Variants in OXR1 observed in about 807,000 individuals in gnomAD.
OXR1 encodes the protein oxidation resistance protein 1.
A neutral mutation model predicts 104.6 loss-of-function variants in OXR1; 41 were observed. That is an observed-to-expected ratio of 0.39 (90% CI 0.31 to 0.51). The LOEUF is 0.51. OXR1 is among the 20% of genes least tolerant of loss of function. The pLI is 0.77. For synonymous variants in OXR1, 348 were observed against 348.4 expected, an observed-to-expected ratio of 1.00 and a Z score of 0.01; for missense variants, 955 against 1,031.9, an observed-to-expected ratio of 0.93 and a Z score of 1.02.
At chr8:106,462,236 G>GA (rs1257098056) in intron 2 of OXR1, among the ~76,000 whole-genome samples, 12 of 152,242 alleles carry the variant, frequency 7.9e-5, no homozygotes, top group African/African-American at 2.9e-4. Flanking sequence ...AGATTTCCCA[G>GA]ATTTATGTAT....
At chr8:106,750,510 A>G (rs1245721866) in intron 16 of OXR1, among the ~76,000 whole-genome samples, 1 of 151,414 alleles carries the variant, frequency 6.6e-6, no homozygotes. Flanking sequence ...TGTATTTTTT[A>G]GTAGAGACAG....
At chr8:106,719,093 C>T (rs572730481) in intron 11 of OXR1, among the ~76,000 whole-genome samples, 1 of 152,236 alleles carries the variant, frequency 6.6e-6, no homozygotes, top group South Asian at 2.1e-4. Context: ...TGATTTCTGC[C>T]GGTATTCAAC....
At chr8:106,424,668 T>C (rs1819037445) in intron 2 of OXR1, among the ~76,000 whole-genome samples, 1 of 152,156 alleles carries the variant, frequency 6.6e-6, no homozygotes, top group South Asian at 2.1e-4. Context: ...GACCATGGGG[T>C]ATGTAAAATT....
chr8:106,575,539 T>G (rs1563616460), intron 3 of OXR1, among the ~76,000 whole-genome samples: 1 of 152,156 alleles, frequency 6.6e-6, no homozygotes, highest in Non-Finnish European at 1.5e-5. Flanking sequence ...ATTCATTTCT[T>G]GTTTTAATGC....
intron 2 of OXR1, among the ~76,000 whole-genome samples, chr8:106,373,887 G>A (rs1816806034): frequency 6.6e-6 from 1 of 152,184 alleles, no homozygotes; most frequent in Admixed American, 6.5e-5. Flanking sequence ...ACTGCACCCA[G>A]CCCTGATGTC....
intron 1 of OXR1, among the ~76,000 whole-genome samples, chr8:106,355,818 A>G (rs762256395): frequency 3.9e-5 from 6 of 152,130 alleles, no homozygotes; most frequent in African/African-American, 1.4e-4. Flanking sequence ...TATTGCAGGT[A>G]AAGGACATTG....
At chr8:106,625,488 G>A (rs865773858) in intron 3 of OXR1, among the ~76,000 whole-genome samples, 5 of 152,304 alleles carry the variant, frequency 3.3e-5, no homozygotes, top group Middle Eastern at 3.4e-3. Context: ...ACCTTGGTTT[G>A]TTCTAATAGC....
chr8:106,350,408 C>T (rs1161837485), intron 1 of OXR1, among the ~76,000 whole-genome samples: 1 of 152,106 alleles, frequency 6.6e-6, no homozygotes, highest in Admixed American at 6.6e-5. Flanking sequence ...GTAAATACTT[C>T]CTGTAATTTG....
chr8:106,625,501 A>G (rs956219898), intron 3 of OXR1, among the ~76,000 whole-genome samples: 1 of 152,234 alleles, frequency 6.6e-6, no homozygotes, highest in Non-Finnish European at 1.5e-5. Context: ...CTAATAGCAC[A>G]TGTGTGTAGA....
chr8:106,568,611 T>A (rs1817245408), intron 3 of OXR1, among the ~76,000 whole-genome samples: 1 of 152,146 alleles, frequency 6.6e-6, no homozygotes, highest in African/African-American at 2.4e-5. Flanking sequence ...CTTTTGTCAC[T>A]GAGGTCTCAC....
At chr8:106,309,472 T>A (rs1813606418) in intron 1 of OXR1, among the ~76,000 whole-genome samples, 1 of 152,212 alleles carries the variant, frequency 6.6e-6, no homozygotes, top group Non-Finnish European at 1.5e-5. Context: ...GTGAGCTATT[T>A]ATAGCCATTT....
intron 3 of OXR1, among the ~76,000 whole-genome samples, chr8:106,524,425 A>G (rs1279144395): frequency 1.3e-5 from 2 of 152,192 alleles, no homozygotes; most frequent in Non-Finnish European, 2.9e-5. Flanking sequence ...TGGAATTCAT[A>G]TATCACGGTC....
At chr8:106,317,352 A>G (rs1365717473) in intron 1 of OXR1, among the ~76,000 whole-genome samples, 3 of 152,128 alleles carry the variant, frequency 2.0e-5, no homozygotes, top group Non-Finnish European at 2.9e-5. Context: ...TTAAGTGTCT[A>G]TGGGTGGTTG....
intron 3 of OXR1, among the ~76,000 whole-genome samples, chr8:106,627,681 C>G (rs1822289125): frequency 6.6e-6 from 1 of 152,268 alleles, no homozygotes; most frequent in South Asian, 2.1e-4. Context: ...TTAGTTCTTT[C>G]ATTTCCAGCA....
intron 3 of OXR1, among the ~76,000 whole-genome samples, chr8:106,642,261 C>T (rs900834787): frequency 2.0e-5 from 3 of 152,140 alleles, no homozygotes; most frequent in Non-Finnish European, 4.4e-5. Context: ...GTCACAAAAC[C>T]TTTGGTAGTA....
intron 3 of OXR1, among the ~76,000 whole-genome samples, chr8:106,588,924 A>G (rs1277168444): frequency 2.6e-5 from 4 of 152,240 alleles, no homozygotes; most frequent in Non-Finnish European, 5.9e-5. Context: ...CTAACTCATA[A>G]CTTTGTAACC....
intron 3 of OXR1, among the ~76,000 whole-genome samples, chr8:106,569,830 A>C (rs985393046): frequency 5.3e-5 from 8 of 152,128 alleles, no homozygotes; most frequent in Admixed American, 1.3e-4. Context: ...ATCCATAAAA[A>C]CCCTTGTGGA....
At chr8:106,352,492 T>G (rs999230954) in intron 1 of OXR1, among the ~76,000 whole-genome samples, 1 of 152,188 alleles carries the variant, frequency 6.6e-6, no homozygotes, top group Non-Finnish European at 1.5e-5. Context: ...TCCACAAATA[T>G]AAACCGATAT....
chr8:106,694,427 A>G (rs1829627848), intron 7 of OXR1, among the ~76,000 whole-genome samples: 1 of 139,064 alleles, frequency 7.2e-6, no homozygotes. Context: ...ATATATATTT[A>G]ATATATATAA....
Sources: gnomAD v4.1 joint callset for allele counts (sites outside exome capture counted in the v4.1 genomes callset) on GRCh38, gnomAD v4.1.1 for gene constraint, MANE v1.5 for transcripts, NCBI Gene and HGNC (gene_info 2026-07-23, HGNC 2026-07-21) for gene names.